SORBS2: variants seen among roughly 807,000 people sequenced by gnomAD.
SORBS2 encodes the protein sorbin and SH3 domain-containing protein 2.
In SORBS2, 46 loss-of-function variants were observed where a neutral mutation model predicts 97.7. The observed-to-expected ratio is 0.47, with a 90% confidence interval of 0.37 to 0.60. SORBS2 has a LOEUF of 0.60. SORBS2 is among the 20% of genes least tolerant of loss of function. SORBS2 has a pLI of 0.00. For synonymous variants in SORBS2, 476 were observed against 473.4 expected, an observed-to-expected ratio of 1.01 and a Z score of -0.07; for missense variants, 1,316 against 1,282.3, an observed-to-expected ratio of 1.03 and a Z score of -0.40.
chr4:185,649,657 C>G lies in SORBS2; in HGVS notation c.92-1G>C. On this transcript the variant is annotated splice_acceptor_variant, in intron 2 of 14. Coordinates refer to ENST00000418609, the Ensembl canonical transcript of SORBS2. LOFTEE classifies it high-confidence loss of function. ...GCACTGTAGGGTGGGTTGTACAGAC[C>G]TATCATGACAAAAAACAAAAGCAGA... 3 of 1,371,278 alleles carry G rather than the reference C, an allele frequency of 2.2e-6. No individual in the cohort carries two copies. Among genetic ancestry groups the G allele is most frequent in the Non-Finnish European group, 2.8e-6 (3 of 1,053,944 alleles). 84.9% of individuals were successfully genotyped at this position (1,371,278 alleles called of 1,614,324 possible). A position where few individuals can be genotyped will look rare whatever the true frequency, so the allele number is the denominator to read the frequency against.
At chr4:185,788,893 T>G (rs1485153921) in intron 1 of SORBS2, among the ~76,000 whole-genome samples, 4 of 152,214 alleles carry the variant, frequency 2.6e-5, no homozygotes, top group Non-Finnish European at 5.9e-5. Context: ...TAAAAACAGT[T>G]GCACACATTT....
intron 3 of SORBS2, among the ~76,000 whole-genome samples, 169 bp downstream of exon 12, chr4:185,649,298 A>G (rs2097269418): frequency 6.6e-6 from 1 of 152,228 alleles, no homozygotes; most frequent in Admixed American, 6.5e-5. Context: ...GACAGGGAAA[A>G]CATTTGCTAC....
chr4:185,699,289 T>G (rs1377665280), intron 2 of SORBS2, among the ~76,000 whole-genome samples: 1 of 147,372 alleles, frequency 6.8e-6, no homozygotes, highest in Admixed American at 6.8e-5. Flanking sequence ...TGTACCTTTT[T>G]TTTTTTTTTT....
In SORBS2 at chr4:185,684,853, GC is replaced by G. The variant is rs1281663975; in HGVS notation, c.-197-6032del. The G allele has an allele frequency of 6.4e-7, 1 of 1,550,416 alleles. No homozygotes were observed. Among genetic ancestry groups the G allele is most frequent in the African/African-American group, 1.4e-5 (1 of 72,940 alleles). On this transcript the variant is annotated intron_variant, in intron 2 of 20. Coordinates refer to the SORBS2 transcript ENST00000284776. This position sits in a 1 kb window ranked among gnomAD's most constrained non-coding sequence, Gnocchi z 4.2. Reference sequence around the variant, plus strand: ...CGAGCACACCCACCGCTATCTGGAAGCAAAAAAATGATATAGCAGAGGCCAA... The same window carrying G: ...CGAGCACACCCACCGCTATCTGGAAGAAAAAAATGATATAGCAGAGGCCAA...
chr4:185,877,862 T>G (rs1579292676), intron 1 of SORBS2, among the ~76,000 whole-genome samples: 1 of 68,254 alleles, frequency 1.5e-5, no homozygotes, highest in Non-Finnish European at 3.0e-5. Flanking sequence ...AGAGTGAGAC[T>G]CTGTCAAAAA....
At chr4:185,838,784 G>C (rs1035138974) in intron 1 of SORBS2, among the ~76,000 whole-genome samples, 3 of 152,128 alleles carry the variant, frequency 2.0e-5, no homozygotes, top group African/African-American at 7.2e-5. Flanking sequence ...TTAAGTCCTA[G>C]TTAAGTAACA....
chr4:185,691,990 G>T (rs904503081), intron 2 of SORBS2, among the ~76,000 whole-genome samples: 16 of 152,158 alleles, frequency 1.1e-4, no homozygotes, highest in African/African-American at 2.4e-5. Context: ...CTTGTGATCC[G>T]CCCGCCTCGG....
chr4:185,719,111 A>AC (rs2098490231), intron 2 of SORBS2, among the ~76,000 whole-genome samples: 1 of 152,250 alleles, frequency 6.6e-6, no homozygotes, highest in Non-Finnish European at 1.5e-5. Context: ...TCTGTTGTAT[A>AC]AAGAAAGGTA....
rs773508887 is a variant in SORBS2, at chr4:185,678,519, C to T, written c.-142G>A. ...ATGTAGCATCTCCGTTCAGTGTCTC[C>T]TGATTGCCATCATTGTAAGATCTCC... On this transcript the variant is annotated 5_prime_UTR_variant, in exon 4 of 21. Transcript: ENST00000284776. 2.5e-5 allele frequency: 38 copies of T among 1,548,202 alleles called. No homozygotes were observed. The South Asian group carries it at 3.5e-4, about 14-fold the overall frequency.
intron 2 of SORBS2, among the ~76,000 whole-genome samples, chr4:185,704,329 A>T (rs1322629916): frequency 1.3e-5 from 2 of 151,842 alleles, no homozygotes; most frequent in African/African-American, 2.4e-5. Context: ...TTATTTATTT[A>T]TTTTTTTGAA....
At chr4:185,718,078 A>C (rs2098480819) in intron 2 of SORBS2, among the ~76,000 whole-genome samples, 1 of 152,140 alleles carries the variant, frequency 6.6e-6, no homozygotes, top group African/African-American at 2.4e-5. Flanking sequence ...TACAAATACA[A>C]AAATTAGCTG....
chr4:185,838,678 T>C (rs73017900), intron 1 of SORBS2, among the ~76,000 whole-genome samples: 1,988 of 152,308 alleles, frequency 0.013, 48 homozygotes, highest in African/African-American at 0.046. Flanking sequence ...CCTTTCACTC[T>C]TGCATCCTGG....
chr4:185,620,517 T>G (rs2096703710), intron 7 of SORBS2, among the ~76,000 whole-genome samples: 1 of 152,196 alleles, frequency 6.6e-6, no homozygotes, highest in Admixed American at 6.5e-5. Flanking sequence ...TTATAATTAC[T>G]ATTATAAGAT....
chr4:185,653,439 TAG>T lies in SORBS2; in HGVS notation c.25-713_25-712del, dbSNP rs551619408. On this transcript the variant is annotated intron_variant, in intron 1 of 14. Coordinates refer to ENST00000418609, the Ensembl canonical transcript of SORBS2. ...CTGTAGTGGAAAGATGAAATTAATG[TAG>T]AGTCTTGAACTAAGATTCAAATCTT... 1.1e-3 allele frequency among the ~76,000 whole-genome samples: 167 copies of T among 152,302 alleles called. 2 individuals are homozygous for T. Among genetic ancestry groups the T allele is most frequent in the African/African-American group, 3.5e-3 (147 of 41,558 alleles).
At chr4:185,903,105 T>TA (rs1561284049) in intron 1 of SORBS2, among the ~76,000 whole-genome samples, 1 of 152,158 alleles carries the variant, frequency 6.6e-6, no homozygotes. Flanking sequence ...ATGTAACAAA[T>TA]ATCAGCCATC....
chr4:185,805,224 G>A (rs3902837), intron 1 of SORBS2, among the ~76,000 whole-genome samples: 9,040 of 34,896 alleles, frequency 0.26, 432 homozygotes, highest in South Asian at 0.35. Context: ...TTCTCACCAG[G>A]AAGACTATAT....
chr4:185,761,010 C>T (rs139034370), intron 2 of SORBS2, among the ~76,000 whole-genome samples: 175 of 152,300 alleles, frequency 1.1e-3, no homozygotes, highest in Admixed American at 2.8e-3. Context: ...CATTCAGACA[C>T]ACATATACTT....
At chr4:185,638,766 A>C in intron 4 of SORBS2, 111 bp downstream of exon 14, 1 of 1,012,540 alleles carries the variant, frequency 9.9e-7, no homozygotes, top group South Asian at 2.2e-5. Context: ...TGGGGCCTGG[A>C]TGGGTGCGAG....
intron 4 of SORBS2, 90 bp from the exon 17 acceptor site, chr4:185,630,688 A>G (rs2096892109): frequency 1.4e-6 from 1 of 699,960 alleles, no homozygotes; most frequent in Non-Finnish European, 2.5e-6. Context: ...TCCTAAAAAG[A>G]ATATTATAAA....
Sources: allele counts gnomAD v4.1 joint callset (sites outside exome capture counted in the v4.1 genomes callset), GRCh38; gene constraint gnomAD v4.1.1; non-coding constraint Gnocchi (gnomAD v3.1); transcripts MANE v1.5; gene names NCBI Gene and HGNC (gene_info 2026-07-23, HGNC 2026-07-21).